Variants in SNURF observed in about 807,000 individuals in gnomAD.
The protein encoded by SNURF is SNRPN upstream open reading frame.
A neutral mutation model predicts 11.6 loss-of-function variants in SNURF; 6 were observed. That is an observed-to-expected ratio of 0.52 (90% CI 0.28 to 1.02). The LOEUF is 1.02. Ranked by LOEUF, SNURF falls within the 50% of genes least tolerant of loss-of-function variation. SNURF has a pLI of 0.09. For missense variants in SNURF, 84 were observed against 88.4 expected (o/e 0.95, Z 0.20); for synonymous variants, 29 against 31.6 (o/e 0.92, Z 0.27).
At chr15:24,967,430 A>G (rs2075802273) in intron 2 of SNURF, among the ~76,000 whole-genome samples, 1 of 151,996 alleles carries the variant, frequency 6.6e-6, no homozygotes, top group African/African-American at 2.4e-5. Context: ...ACCTGAGGTC[A>G]TGAGTTCCAG....
rs778695977 is a variant in SNURF at position 24,973,865 on chromosome 15, A to AT, written c.*46-1492dup. 2.6e-4 allele frequency among the ~76,000 whole-genome samples: 39 copies of AT among 152,316 alleles called. 1 individual carries two copies. Among genetic ancestry groups the AT allele is most frequent in the Non-Finnish European group, 4.4e-4 (30 of 68,030 alleles). ...TAGTGGGGAAAGATTACCTGCCATC[A>AT]TCTTGAAGCGAATTTAGGGGAAGAA... On this transcript the variant is annotated intron_variant and NMD_transcript_variant, in intron 3 of 6. Transcript: ENST00000580062.
At chr15:24,976,187 A>G (rs2077041234) in intron 4 of SNURF, 1 of 791,916 alleles carries the variant, frequency 1.3e-6, no homozygotes, top group Non-Finnish European at 2.1e-6. Context: ...TTTTTCAGTG[A>G]TAACTCAGTA....
At position 24,962,188 on chromosome 15, in the gene SNURF, C is replaced by CT. The variant is rs1173718329; in HGVS notation, c.90dup (p.Ala31CysfsTer28). 6.2e-7 allele frequency: 1 copy of CT among 1,614,098 alleles called. No homozygotes were observed. The highest frequency in any genetic ancestry group is 1.7e-5 in the Admixed American group (1 of 60,012). Reference sequence around the variant, plus strand: ...GAAGTCCAAGTCAAACGCAGAAGGACTGCCTCACTGAGCAACCAAGAGTGA... The same window carrying CT: ...GAAGTCCAAGTCAAACGCAGAAGGACTTGCCTCACTGAGCAACCAAGAGTGA... On this transcript the variant is annotated frameshift_variant, in exon 2 of 3. Transcript: ENST00000577949. LOFTEE classifies it high-confidence loss of function.
intron 2 of SNURF, among the ~76,000 whole-genome samples, chr15:24,964,653 C>G (rs1240371504): frequency 6.6e-6 from 1 of 152,110 alleles, no homozygotes; most frequent in Admixed American, 6.6e-5. Context: ...TTACTATTCC[C>G]TGAGTTTCTA....
At position 24,975,551 on chromosome 15, in the gene SNURF, G is replaced by A. The variant is rs762773192; in HGVS notation, c.*197+42G>A. On this transcript the variant is annotated intron_variant and NMD_transcript_variant, in intron 4 of 6. Transcript: ENST00000580062. Reference sequence around the variant, plus strand: ...CAAATGGGGGTTGGACACAGAGGCAGTGGGAAGGGAAGGCCAGAGCTGGAG... The same window carrying A: ...CAAATGGGGGTTGGACACAGAGGCAATGGGAAGGGAAGGCCAGAGCTGGAG... The A allele has an allele frequency of 4.0e-5, 63 of 1,574,022 alleles. No homozygotes were observed. The Admixed American group carries it at 9.7e-4, about 24-fold the overall frequency.
chr15:24,960,422 C>G (rs552303033), intron 1 of SNURF, among the ~76,000 whole-genome samples: 1 of 152,130 alleles, frequency 6.6e-6, no homozygotes, highest in East Asian at 1.9e-4. Context: ...GTCACTGCAA[C>G]CTCTGCCTCC....
chr15:24,956,449 C>T (rs2062914672), intron 1 of SNURF, among the ~76,000 whole-genome samples: 1 of 152,020 alleles, frequency 6.6e-6, no homozygotes, highest in Non-Finnish European at 1.5e-5. Context: ...TCAGCCGTAC[C>T]CTCTTTAGGG....
At chr15:24,961,881 AT>A (rs901438930) in intron 1 of SNURF, among the ~76,000 whole-genome samples, 6 of 151,850 alleles carry the variant, frequency 4.0e-5, no homozygotes, top group Non-Finnish European at 7.4e-5. Context: ...TCATTTTCTG[AT>A]TTTTTTTAAA....
At chr15:24,970,562 G>C (rs1209264852), downstream of SNURF, among the ~76,000 whole-genome samples, 1 of 152,182 alleles carries the variant, frequency 6.6e-6, no homozygotes, top group Non-Finnish European at 1.5e-5. Context: ...CTGCGTGACA[G>C]AGCAAGACTT....
exon 6 of SNURF, chr15:24,976,894 A>G (rs747941335): frequency 5.0e-6 from 8 of 1,608,244 alleles, no homozygotes; most frequent in Admixed American, 3.4e-5. Flanking sequence ...TTGCTCGGGT[A>G]CCACTTGCTG....
At chr15:24,957,763 G>C (rs1428359872) in intron 1 of SNURF, among the ~76,000 whole-genome samples, 1 of 151,982 alleles carries the variant, frequency 6.6e-6, no homozygotes, top group African/African-American at 2.4e-5. Context: ...CATGAAGATA[G>C]CAGTTCACAT....
chr15:24,955,275 C>T (rs1025018411), intron 1 of SNURF, among the ~76,000 whole-genome samples: 1 of 151,872 alleles, frequency 6.6e-6, no homozygotes, highest in Non-Finnish European at 1.5e-5. Context: ...CATTGGGGCG[C>T]GTCCCCCATC....
intron 3 of SNURF, chr15:24,974,498 G>A: frequency 6.9e-6 from 11 of 1,603,378 alleles, no homozygotes; most frequent in Non-Finnish European, 9.4e-6. Flanking sequence ...TGTGCTGTAA[G>A]GGCCGAAAGA....
At chr15:24,966,996 C>T (rs2075736451) in intron 2 of SNURF, 1 of 152,062 alleles carries the variant, frequency 6.6e-6, no homozygotes, top group East Asian at 1.9e-4. Flanking sequence ...ATTTTAAGAG[C>T]CCTTAAATAG....
chr15:24,964,332 T>G (rs925659523), intron 2 of SNURF, among the ~76,000 whole-genome samples: 18 of 152,174 alleles, frequency 1.2e-4, no homozygotes, highest in Non-Finnish European at 8.8e-5. Context: ...TTCATTCTTT[T>G]TGAGACGGAG....
intron 3 of SNURF, chr15:24,974,587 T>C (rs1275914331): frequency 2.3e-6 from 2 of 863,980 alleles, no homozygotes; most frequent in Non-Finnish European, 4.0e-6. Context: ...TGGATTCTCA[T>C]TGCATTGAGT....
intron 2 of SNURF, among the ~76,000 whole-genome samples, chr15:24,963,740 T>G (rs904176075): frequency 1.3e-5 from 2 of 152,100 alleles, no homozygotes; most frequent in African/African-American, 4.8e-5. Context: ...TTTCCTCATT[T>G]TATATGTGAA....
chr15:24,966,512 C>T (rs2075660035), intron 2 of SNURF, among the ~76,000 whole-genome samples: 1 of 152,158 alleles, frequency 6.6e-6, no homozygotes, highest in African/African-American at 2.4e-5. Context: ...CTCTCCTGCC[C>T]TCCCAGGAGG....
downstream of SNURF, among the ~76,000 whole-genome samples, chr15:24,969,329 A>G (rs1045356065): frequency 2.6e-5 from 4 of 152,046 alleles, no homozygotes; most frequent in Non-Finnish European, 5.9e-5. Context: ...GGGTTTCACC[A>G]TGTTCTCCAG....
Sources: gnomAD v4.1 joint callset for allele counts (sites outside exome capture counted in the v4.1 genomes callset) on GRCh38, gnomAD v4.1.1 for gene constraint, MANE v1.5 for transcripts, NCBI Gene and HGNC (gene_info 2026-07-23, HGNC 2026-07-21) for gene names.